Variants in UNC5D observed in about 807,000 individuals in gnomAD.
The protein encoded by UNC5D is unc-5 netrin receptor D.
A neutral mutation model predicts 105.4 loss-of-function variants in UNC5D; 39 were observed. The ratio of observed to expected loss-of-function variants is 0.37; its 90% CI spans 0.29 to 0.48. The LOEUF is 0.48. Among genes scored for constraint, UNC5D ranks in the 20% least tolerant of loss-of-function variants. The pLI is 0.98. For synonymous variants in UNC5D, 452 were observed against 450.4 expected, an observed-to-expected ratio of 1.00 and a Z score of -0.04; for missense variants, 991 against 1,202.4, an observed-to-expected ratio of 0.82 and a Z score of 2.60.
intron 1 of UNC5D, among the ~76,000 whole-genome samples, chr8:35,536,854 G>T (rs1391345151): frequency 1.3e-5 from 2 of 151,988 alleles, no homozygotes; most frequent in Non-Finnish European, 2.9e-5. Context: ...AATTTAGCCG[G>T]GTGTAGTGGC....
At chr8:35,273,150 G>A (rs1805535828) in intron 1 of UNC5D, among the ~76,000 whole-genome samples, 1 of 152,178 alleles carries the variant, frequency 6.6e-6, no homozygotes, top group South Asian at 2.1e-4. Flanking sequence ...TTAACTGACA[G>A]CATTCATTCA....
At chr8:35,623,447 T>C (rs1563602911) in intron 4 of UNC5D, among the ~76,000 whole-genome samples, 1 of 152,200 alleles carries the variant, frequency 6.6e-6, no homozygotes, top group Non-Finnish European at 1.5e-5. Context: ...TTTGCCAAAA[T>C]TGTTTTTCTC....
intron 10 of UNC5D, chr8:35,727,663 C>T (rs554804513): frequency 2.6e-5 from 4 of 152,132 alleles, no homozygotes; most frequent in South Asian, 2.1e-4. Context: ...CAATGGCAGC[C>T]GTAATTGAAT....
intron 1 of UNC5D, among the ~76,000 whole-genome samples, chr8:35,302,882 T>A (rs551461620): frequency 6.6e-6 from 1 of 152,306 alleles, no homozygotes; most frequent in East Asian, 1.9e-4. Flanking sequence ...ATGTAGTTAA[T>A]ATCCTTGCAT....
intron 4 of UNC5D, among the ~76,000 whole-genome samples, chr8:35,649,498 G>T (rs1823273658): frequency 6.6e-6 from 1 of 152,172 alleles, no homozygotes; most frequent in Non-Finnish European, 1.5e-5. Context: ...TAGAAGTCTG[G>T]ACTCTAACGA....
chr8:35,637,415 A>G (rs1822449196), intron 4 of UNC5D, among the ~76,000 whole-genome samples: 1 of 152,214 alleles, frequency 6.6e-6, no homozygotes, highest in Admixed American at 6.5e-5. Flanking sequence ...CCTCCCATCT[A>G]AAATCTCCGA....
rs1803264151 is a variant in UNC5D, at chr8:35,796,489, A to C, written c.*5926A>C. The C allele has an allele frequency of 6.6e-6, 1 of 151,566 alleles. No individual in the cohort carries two copies. The highest frequency in any genetic ancestry group is 6.6e-5 in the Admixed American group (1 of 15,186). 9.4% of individuals were successfully genotyped at this position (151,566 alleles called of 1,614,324 possible). On this transcript the variant is annotated 3_prime_UTR_variant, in exon 17 of 17. Coordinates refer to ENST00000404895, the MANE Select transcript of UNC5D (RefSeq NM_080872.4). Reference sequence around the variant, plus strand: ...CAGACTTTTCAAGATAAATGTACAGACGTAAATTACTGCATATCAGTTATT... The same window carrying C: ...CAGACTTTTCAAGATAAATGTACAGCCGTAAATTACTGCATATCAGTTATT...
chr8:35,235,746 G>T lies in UNC5D; in HGVS notation c.-39G>T. 1 of 1,225,436 alleles carries T rather than the reference G, an allele frequency of 8.2e-7. No homozygotes were observed. The highest frequency in any genetic ancestry group is 1.6e-5 in the African/African-American group (1 of 64,266). The allele number at this position is 1,225,436 out of a possible 1,614,324, so 75.9% of individuals were successfully genotyped here. Reference sequence around the variant, plus strand: ...GCCGACCCTTTCCCGGGCTCCCGGAGCGTGAAGAAGAGCCGCCCTCCGGAA... The same window carrying T: ...GCCGACCCTTTCCCGGGCTCCCGGATCGTGAAGAAGAGCCGCCCTCCGGAA... On this transcript the variant is annotated 5_prime_UTR_variant, in exon 1 of 17. Transcript: ENST00000404895.
chr8:35,735,818 G>A (rs1015685948), intron 11 of UNC5D, among the ~76,000 whole-genome samples: 3 of 152,046 alleles, frequency 2.0e-5, no homozygotes, highest in Non-Finnish European at 4.4e-5. Context: ...TCATACACAC[G>A]CCTCCTCATA....
At chr8:35,573,232 A>G (rs1020765355) in intron 3 of UNC5D, among the ~76,000 whole-genome samples, 5 of 152,200 alleles carry the variant, frequency 3.3e-5, no homozygotes, top group Non-Finnish European at 7.3e-5. Flanking sequence ...TGATTTAACC[A>G]TTCACCCAAA....
chr8:35,696,170 C>T (rs1342092044), intron 7 of UNC5D, among the ~76,000 whole-genome samples: 1 of 151,828 alleles, frequency 6.6e-6, no homozygotes, highest in African/African-American at 2.4e-5. Context: ...GATTACTGTT[C>T]TGTTGTGAAC....
intron 1 of UNC5D, among the ~76,000 whole-genome samples, chr8:35,497,212 G>T (rs1811657807): frequency 6.6e-6 from 1 of 152,144 alleles, no homozygotes; most frequent in South Asian, 2.1e-4. Flanking sequence ...ATTTGTTCAG[G>T]ATTTTCTCTG....
Position 35,457,177 on chromosome 8 carries a change from CTCTT to C in UNC5D, c.104-92109_104-92106del, listed in dbSNP as rs539094407. Among the ~76,000 whole-genome samples the C allele has an allele frequency of 2.5e-3, 386 of 152,248 alleles. 1 individual carries two copies. The highest frequency in any genetic ancestry group is 9.0e-3 in the African/African-American group (373 of 41,546). On this transcript the variant is annotated intron_variant, in intron 1 of 16. Transcript: ENST00000404895. ...GGTATATAATAGACACTTAATTCTT[CTCTT>C]TCTTTTTTTATGTCATTTGCTTAAC... is the stretch of plus-strand genomic sequence containing the variant.
chr8:35,614,106 G>A (rs1041689124), intron 4 of UNC5D, among the ~76,000 whole-genome samples: 2 of 152,196 alleles, frequency 1.3e-5, no homozygotes, highest in Non-Finnish European at 2.9e-5. Context: ...TGACTTGCCT[G>A]CTGTTTTAAT....
intron 8 of UNC5D, among the ~76,000 whole-genome samples, chr8:35,711,743 T>G (rs1346409645): frequency 2.0e-5 from 3 of 152,226 alleles, no homozygotes; most frequent in Non-Finnish European, 4.4e-5. Flanking sequence ...TGTGAGTTAG[T>G]TGCTCTTGTA....
At chr8:35,308,265 A>G (rs909307477) in intron 1 of UNC5D, among the ~76,000 whole-genome samples, 2 of 151,934 alleles carry the variant, frequency 1.3e-5, no homozygotes, top group Admixed American at 6.6e-5. Context: ...AAGGCCTTAC[A>G]TTGAGTAGGT....
At chr8:35,617,050 A>G (rs1043277048) in intron 4 of UNC5D, among the ~76,000 whole-genome samples, 4 of 152,176 alleles carry the variant, frequency 2.6e-5, no homozygotes, top group African/African-American at 4.8e-5. Context: ...CTGAGGCAGC[A>G]TGGATTTTAG....
chr8:35,414,575 A>T (rs1275358529), intron 1 of UNC5D, among the ~76,000 whole-genome samples: 3 of 152,058 alleles, frequency 2.0e-5, no homozygotes, highest in Non-Finnish European at 4.4e-5. Context: ...ATTAAAAGGG[A>T]TTTTTTTCAA....
intron 3 of UNC5D, among the ~76,000 whole-genome samples, chr8:35,593,202 C>T (rs1005157915): frequency 6.6e-6 from 1 of 152,070 alleles, no homozygotes; most frequent in Non-Finnish European, 1.5e-5. Flanking sequence ...TGTCTTTTCA[C>T]CTGATAACTT....
Sources: allele counts gnomAD v4.1 joint callset (sites outside exome capture counted in the v4.1 genomes callset), GRCh38; gene constraint gnomAD v4.1.1; transcripts MANE v1.5; gene names NCBI Gene and HGNC (gene_info 2026-07-23, HGNC 2026-07-21).